KLHL1: variants seen among roughly 807,000 people sequenced by gnomAD.
KLHL1 encodes kelch-like protein 1.
KLHL1 carries 47 observed loss-of-function variants against 77.7 expected under a neutral mutation model. The observed-to-expected ratio is 0.60, with a 90% CI of 0.48 to 0.77. The LOEUF (loss-of-function observed/expected upper bound fraction) is 0.77, where lower values mean the gene tolerates loss of function less well. Among genes scored for constraint, KLHL1 ranks in the 30% least tolerant of loss-of-function variants. The pLI, the probability that KLHL1 is intolerant of heterozygous loss-of-function variation, is 0.00. For synonymous variants in KLHL1, 360 were observed against 325.2 expected, an observed-to-expected ratio of 1.11 and a Z score of -1.15; for missense variants, 925 against 910.8, an observed-to-expected ratio of 1.02 and a Z score of -0.20.
intron 5 of KLHL1, among the ~76,000 whole-genome samples, chr13:69,879,699 G>A (rs868082508): frequency 8.6e-5 from 13 of 151,878 alleles, no homozygotes; most frequent in African/African-American, 1.9e-4. Flanking sequence ...TTTCATTCTG[G>A]TTTGACATTG....
chr13:69,865,280 A>T (rs1227783798), intron 5 of KLHL1, among the ~76,000 whole-genome samples: 1 of 152,104 alleles, frequency 6.6e-6, no homozygotes, highest in Non-Finnish European at 1.5e-5. Flanking sequence ...AATTAAGTGT[A>T]TGCATGTCTG....
At chr13:69,978,065 G>A (rs1287446090) in intron 1 of KLHL1, among the ~76,000 whole-genome samples, 2 of 151,946 alleles carry the variant, frequency 1.3e-5, no homozygotes, top group African/African-American at 4.8e-5. Flanking sequence ...TCACAAGTTC[G>A]CAAATTACAA....
At chr13:69,899,618 T>C (rs910917852) in intron 4 of KLHL1, among the ~76,000 whole-genome samples, 1 of 152,154 alleles carries the variant, frequency 6.6e-6, no homozygotes, top group Non-Finnish European at 1.5e-5. Flanking sequence ...GGATGCCTAC[T>C]CTGAAGAAAA....
rs754318613 is a variant in KLHL1, at chr13:69,975,656, A to T, written c.644T>A (p.Ile215Asn). The T allele has an allele frequency of 1.2e-6, 2 of 1,613,586 alleles. No individual in the cohort carries two copies. Among genetic ancestry groups the T allele is most frequent in the Non-Finnish European group, 1.7e-6 (2 of 1,179,720 alleles). ...YLKQQQLCDV[I>N]LIVGNRKIPA... ...TATCTTTCGGTTCCCAACAATCAGG[A>T]TAACATCACAAAGTTGCTGCTGCTT... The change falls in exon 2 of 11, where the codon ATC (isoleucine) becomes AAC (asparagine). Residue 215 changes from isoleucine (I) to asparagine (N), a missense_variant. By Grantham distance (149) the Ile-to-Asn change is moderately radical. Coordinates refer to ENST00000377844, the MANE Select transcript of KLHL1 (RefSeq NM_020866.3).
At chr13:69,869,782 C>T (rs1195832821) in intron 5 of KLHL1, among the ~76,000 whole-genome samples, 1 of 152,202 alleles carries the variant, frequency 6.6e-6, no homozygotes, top group Non-Finnish European at 1.5e-5. Flanking sequence ...GGTCCCATCA[C>T]ATGGCTCTCT....
intron 2 of KLHL1, among the ~76,000 whole-genome samples, chr13:69,967,772 C>G (rs1406883960): frequency 6.6e-6 from 1 of 151,606 alleles, no homozygotes. Flanking sequence ...GTAATCCCAG[C>G]TACTCAGGTG....
chr13:69,854,763 T>C (rs895481102), intron 5 of KLHL1, among the ~76,000 whole-genome samples: 1 of 152,068 alleles, frequency 6.6e-6, no homozygotes, highest in South Asian at 2.1e-4. Context: ...GGTTCTTACA[T>C]AGTCTTTTGA....
At chr13:70,080,449 C>A (rs906518405) in intron 1 of KLHL1, among the ~76,000 whole-genome samples, 1 of 152,086 alleles carries the variant, frequency 6.6e-6, no homozygotes, top group African/African-American at 2.4e-5. Context: ...AACCTAGAGG[C>A]TCTATTTCCT....
At chr13:69,801,979 G>T (rs1304626854) in intron 6 of KLHL1, among the ~76,000 whole-genome samples, 1 of 152,080 alleles carries the variant, frequency 6.6e-6, no homozygotes, top group African/African-American at 2.4e-5. Flanking sequence ...CGTCATCTAG[G>T]TTTTAAGTCC....
At chr13:69,740,332 AAAT>A (rs1466816539) in intron 8 of KLHL1, 59 bp downstream of exon 8, 14 of 1,148,620 alleles carry the variant, frequency 1.2e-5, no homozygotes, top group Admixed American at 2.6e-5. Context: ...CTTATTTTTC[AAAT>A]AATATTTACC....
chr13:69,905,527 T>C (rs1241571553), intron 4 of KLHL1, among the ~76,000 whole-genome samples: 1 of 152,052 alleles, frequency 6.6e-6, no homozygotes, highest in Non-Finnish European at 1.5e-5. Context: ...TATTAAATTC[T>C]AGATATTAAA....
At chr13:70,070,276 A>G (rs1887109055) in intron 1 of KLHL1, among the ~76,000 whole-genome samples, 1 of 152,084 alleles carries the variant, frequency 6.6e-6, no homozygotes, top group Non-Finnish European at 1.5e-5. Flanking sequence ...GATAAACATC[A>G]AGATTCTTCA....
chr13:69,890,867 A>T (rs1881403119), intron 4 of KLHL1, among the ~76,000 whole-genome samples: 1 of 152,032 alleles, frequency 6.6e-6, no homozygotes, highest in African/African-American at 2.4e-5. Context: ...TTTTGACTCT[A>T]TATTGCTTCT....
chr13:69,901,026 GAAAGAATC>G (rs1881835308), intron 4 of KLHL1, among the ~76,000 whole-genome samples: 1 of 152,210 alleles, frequency 6.6e-6, no homozygotes, highest in African/African-American at 2.4e-5. Flanking sequence ...TTCCTTTTGT[GAAAGAATC>G]AATTATTTAT....
chr13:69,811,005 A>G (rs995218360), intron 6 of KLHL1, among the ~76,000 whole-genome samples: 7 of 150,606 alleles, frequency 4.6e-5, no homozygotes, highest in Non-Finnish European at 7.4e-5. Context: ...AAAAAGCCCT[A>G]TACCAGATGG....
intron 5 of KLHL1, among the ~76,000 whole-genome samples, chr13:69,880,860 A>G (rs1481487192): frequency 6.6e-6 from 1 of 152,172 alleles, no homozygotes; most frequent in Non-Finnish European, 1.5e-5. Flanking sequence ...ATGGGAAGAG[A>G]GTAATGACTG....
At chr13:69,901,462 G>T (rs530214539) in intron 4 of KLHL1, among the ~76,000 whole-genome samples, 1 of 152,182 alleles carries the variant, frequency 6.6e-6, no homozygotes, top group South Asian at 2.1e-4. Flanking sequence ...CAATTTGAAA[G>T]AAGTGTCTAT....
chr13:69,839,917 C>G (rs1879174934), intron 5 of KLHL1, among the ~76,000 whole-genome samples: 1 of 151,668 alleles, frequency 6.6e-6, no homozygotes, highest in African/African-American at 2.4e-5. Context: ...TATTTTTCTC[C>G]TTGATTCTTT....
intron 4 of KLHL1, among the ~76,000 whole-genome samples, chr13:69,926,080 T>C (rs1882804574): frequency 6.6e-6 from 1 of 152,212 alleles, no homozygotes; most frequent in Non-Finnish European, 1.5e-5. Context: ...TCTATAGTTG[T>C]AAATATTATC....
Sources: gnomAD v4.1 joint callset for allele counts (sites outside exome capture counted in the v4.1 genomes callset) on GRCh38, gnomAD v4.1.1 for gene constraint, MANE v1.5 for transcripts, NCBI Gene and HGNC (gene_info 2026-07-23, HGNC 2026-07-21) for gene names.